SDK1: variants seen among roughly 807,000 people sequenced by gnomAD.
SDK1 encodes protein sidekick-1.
Under a neutral mutation model 245.5 loss-of-function variants are expected in SDK1, and 157 were observed. The observed-to-expected ratio is 0.64, with a 90% CI of 0.56 to 0.73. The LOEUF is 0.73. Ranked by LOEUF, SDK1 falls within the 30% of genes least tolerant of loss-of-function variation. The pLI is 0.00. For missense variants in SDK1, 3,583 were observed against 3,002.3 expected, an observed-to-expected ratio of 1.19 and a Z score of -4.52; for synonymous variants, 1,647 against 1,278.5, an observed-to-expected ratio of 1.29 and a Z score of -6.15.
intron 5 of SDK1, among the ~76,000 whole-genome samples, chr7:3,870,394 T>G (rs899410995): frequency 6.6e-6 from 1 of 152,094 alleles, no homozygotes; most frequent in African/African-American, 2.4e-5. Context: ...GAGTGCTCAA[T>G]AAGGATGTAG....
chr7:3,805,257 G>A (rs12701172), intron 4 of SDK1, among the ~76,000 whole-genome samples: 16,708 of 152,258 alleles, frequency 0.11, 1,685 homozygotes, highest in African/African-American at 0.27. Context: ...TATTACTTCA[G>A]TGAGTGTTGT....
chr7:3,601,231 A>T, intron 1 of SDK1, among the ~76,000 whole-genome samples: 1 of 152,202 alleles, frequency 6.6e-6, no homozygotes. Flanking sequence ...ATAGTCTTCA[A>T]GAAATGAATT....
intron 1 of SDK1, among the ~76,000 whole-genome samples, chr7:3,324,508 G>C (rs34368704): frequency 0.15 from 22,150 of 152,054 alleles, 2,370 homozygotes; most frequent in East Asian, 0.38. Context: ...ATAGGAGGTG[G>C]CTCTTGGAAG....
intron 5 of SDK1, among the ~76,000 whole-genome samples, chr7:3,926,725 A>C (rs888712802): frequency 1.3e-5 from 2 of 152,132 alleles, no homozygotes; most frequent in African/African-American, 4.8e-5. Flanking sequence ...GTCACATACC[A>C]GCCACCACTT....
At chr7:3,676,627 C>T (rs1279344598) in intron 4 of SDK1, among the ~76,000 whole-genome samples, 4 of 152,168 alleles carry the variant, frequency 2.6e-5, no homozygotes, top group East Asian at 1.9e-4. Flanking sequence ...GCCTTGCCCT[C>T]TTCTAATATT....
chr7:3,904,738 A>C (rs777805930), intron 5 of SDK1, among the ~76,000 whole-genome samples: 2 of 151,956 alleles, frequency 1.3e-5, no homozygotes, highest in African/African-American at 2.4e-5. Context: ...TCACGCCTGT[A>C]ATCCCAGCAC....
chr7:3,564,835 A>G (rs562103338), intron 1 of SDK1, among the ~76,000 whole-genome samples: 8 of 152,106 alleles, frequency 5.3e-5, no homozygotes, highest in Non-Finnish European at 1.2e-4. Context: ...AGAGATGTTC[A>G]GCAATTTTCT....
intron 1 of SDK1, among the ~76,000 whole-genome samples, chr7:3,323,032 AC>A (rs1397919478): frequency 6.6e-6 from 1 of 152,064 alleles, no homozygotes; most frequent in East Asian, 1.9e-4. Context: ...AAACTCCTGG[AC>A]CCAAGCAAGC....
intron 5 of SDK1, among the ~76,000 whole-genome samples, 168 bp from the exon 6 acceptor site, chr7:3,950,755 G>T (rs775644295): frequency 6.6e-6 from 1 of 152,164 alleles, no homozygotes; most frequent in Non-Finnish European, 1.5e-5. Flanking sequence ...AAGTTGAAAA[G>T]CCCTGCGTGG....
intron 2 of SDK1, among the ~76,000 whole-genome samples, chr7:3,626,882 A>G (rs1459061265): frequency 6.6e-6 from 1 of 152,032 alleles, no homozygotes; most frequent in Non-Finnish European, 1.5e-5. Context: ...AAACAAATAG[A>G]TGGCCAGAAT....
chr7:4,023,214 C>G (rs772095975), intron 17 of SDK1, among the ~76,000 whole-genome samples: 22 of 152,158 alleles, frequency 1.4e-4, no homozygotes, highest in Admixed American at 2.6e-4. Flanking sequence ...TTCTAACTTT[C>G]CTGACTTTTC....
intron 38 of SDK1, among the ~76,000 whole-genome samples, chr7:4,217,475 ACCAGGCCACCCGGAGC>A: frequency 8.6e-6 from 1 of 116,234 alleles, no homozygotes; most frequent in East Asian, 2.6e-4. Context: ...CACCCGGAGC[ACCAGGCCACCCGGAGC>A]ACCACACCAC....
At chr7:4,250,591 C>A (rs1787232574) in intron 44 of SDK1, among the ~76,000 whole-genome samples, 1 of 152,106 alleles carries the variant, frequency 6.6e-6, no homozygotes, top group African/African-American at 2.4e-5. Flanking sequence ...GTGATCCGCC[C>A]ACCTCGGCCT....
chr7:3,925,214 A>G (rs1240067314), intron 5 of SDK1, among the ~76,000 whole-genome samples: 1 of 150,800 alleles, frequency 6.6e-6, no homozygotes, highest in Non-Finnish European at 1.5e-5. Flanking sequence ...GGGAACTCTA[A>G]GGAGACTGAA....
chr7:4,214,279 C>T (rs1386994204), intron 38 of SDK1, among the ~76,000 whole-genome samples: 1 of 152,192 alleles, frequency 6.6e-6, no homozygotes, highest in Non-Finnish European at 1.5e-5. Context: ...GAGGAGGATT[C>T]ACTAAAGCGT....
At chr7:3,866,501 G>T (rs1780824073) in intron 5 of SDK1, among the ~76,000 whole-genome samples, 2 of 152,190 alleles carry the variant, frequency 1.3e-5, no homozygotes, top group South Asian at 4.2e-4. Flanking sequence ...TGTGTGTAGG[G>T]AAAGAAGGCC....
At chr7:3,383,917 A>G (rs921774386) in intron 1 of SDK1, among the ~76,000 whole-genome samples, 1 of 152,216 alleles carries the variant, frequency 6.6e-6, no homozygotes, top group East Asian at 1.9e-4. Context: ...AGTCAATCTT[A>G]TGGGTCACAA....
chr7:3,914,314 A>G (rs943154022), intron 5 of SDK1, among the ~76,000 whole-genome samples: 77 of 152,188 alleles, frequency 5.1e-4, no homozygotes, highest in African/African-American at 1.7e-3. Flanking sequence ...TTCAATGTGT[A>G]TAATATTCTG....
intron 5 of SDK1, among the ~76,000 whole-genome samples, chr7:3,916,524 A>G (rs983023789): frequency 3.9e-5 from 6 of 152,174 alleles, no homozygotes; most frequent in Non-Finnish European, 8.8e-5. Flanking sequence ...TGGAAAGTCA[A>G]CTGTCTGTGG....
Sources: allele counts gnomAD v4.1 joint callset (sites outside exome capture counted in the v4.1 genomes callset), GRCh38; gene constraint gnomAD v4.1.1; transcripts MANE v1.5; gene names NCBI Gene and HGNC (gene_info 2026-07-23, HGNC 2026-07-21).